Variants in COA1 observed in about 807,000 individuals in gnomAD.
The protein encoded by COA1 is cytochrome c oxidase assembly factor 1, also known as cytochrome c oxidase assembly factor 1 homolog.
A neutral mutation model predicts 16.0 loss-of-function variants in COA1; 13 were observed. The ratio of observed to expected loss-of-function variants is 0.81; its 90% confidence interval spans 0.53 to 1.29. The LOEUF is 1.29. Ranked by LOEUF, COA1 falls within the 50% of genes most tolerant of loss-of-function variation. The pLI, the probability that COA1 is intolerant of heterozygous loss-of-function variation, is 0.00. For synonymous variants in COA1, 65 were observed against 65.7 expected (o/e 0.99, Z 0.05); for missense variants, 179 against 177.0 (o/e 1.01, Z -0.06).
chr7:43,726,945 T>G (rs1257234639), intron 1 of COA1, among the ~76,000 whole-genome samples: 3 of 152,180 alleles, frequency 2.0e-5, no homozygotes, highest in Admixed American at 6.5e-5. Context: ...TCAACATCAT[T>G]AGCCATCAGG....
chr7:43,627,221 T>G (rs1336755598), intron 6 of COA1, among the ~76,000 whole-genome samples: 1 of 152,216 alleles, frequency 6.6e-6, no homozygotes, highest in Non-Finnish European at 1.5e-5. Flanking sequence ...ATTTGATTGA[T>G]CTTGTGTTTT....
At position 43,640,586 on chromosome 7, in the gene COA1, C is replaced by T; in HGVS notation, c.328G>A (p.Gly110Ser). The T allele has an allele frequency of 1.2e-6, 2 of 1,607,126 alleles. No homozygotes were observed. Among genetic ancestry groups the T allele is most frequent in the Middle Eastern group, 1.7e-4 (1 of 6,052 alleles). Residue 110 changes from glycine (G) to serine (S), a missense_variant, in exon 5 of 6, where the codon GGC becomes AGC. Gly to Ser is a moderately conservative substitution (Grantham distance 56). Coordinates refer to ENST00000223336, the MANE Select transcript of COA1 (RefSeq NM_018224.4). ...TTCCCAGGATACCTCTGAAAGGGGC[C>T]ACCTCTGGATGAGTGGACGTAGAGA... is the stretch of plus-strand genomic sequence containing the variant. ...GLLYVHSSRGGPFQRWHLDEV... is the reference protein window; with the variant it reads ...GLLYVHSSRGSPFQRWHLDEV...
intron 6 of COA1, chr7:43,624,722 A>G: frequency 6.2e-7 from 1 of 1,614,112 alleles, no homozygotes; most frequent in Non-Finnish European, 8.5e-7. Flanking sequence ...TAGTTACTTC[A>G]TATACTCTAG....
chr7:43,627,956 A>T (rs1257996811), intron 6 of COA1, among the ~76,000 whole-genome samples: 2 of 152,082 alleles, frequency 1.3e-5, no homozygotes, highest in East Asian at 3.8e-4. Context: ...CGATGCTTAT[A>T]TCAGCAGTTT....
intron 4 of COA1, 107 bp downstream of exon 4, chr7:43,645,144 T>G: frequency 9.9e-7 from 1 of 1,009,856 alleles, no homozygotes; most frequent in Non-Finnish European, 1.4e-6. Flanking sequence ...CTTTACTTAG[T>G]GGATTTTCCC....
intron 1 of COA1, among the ~76,000 whole-genome samples, chr7:43,712,453 A>C (rs974498549): frequency 2.6e-5 from 4 of 152,094 alleles, no homozygotes; most frequent in African/African-American, 9.7e-5. Flanking sequence ...CACTGCTTTC[A>C]CACTTCCAGG....
chr7:43,659,996 G>A (rs1359672874), intron 1 of COA1, among the ~76,000 whole-genome samples: 3 of 152,172 alleles, frequency 2.0e-5, no homozygotes, highest in Admixed American at 2.0e-4. Context: ...AAAGGAGAGG[G>A]TGGCATCTAC....
Position 43,623,782 on chromosome 7 carries a change from T to C in COA1, c.*134-14287A>G, listed in dbSNP as rs1339648808. On this transcript the variant is annotated intron_variant and NMD_transcript_variant, in intron 6 of 6. Transcript: ENST00000415076. ...CTTAGGCAATGATAAACAAGAAACA[T>C]TCTTAAACATCTCACAGATGAATTT... The C allele has an allele frequency of 6.2e-7, 1 of 1,609,412 alleles. No individual in the cohort carries two copies.
chr7:43,623,668 G>A (rs2084165551), intron 6 of COA1: 4 of 1,604,846 alleles, frequency 2.5e-6, no homozygotes, highest in Non-Finnish European at 2.5e-6. Flanking sequence ...CAAGAAATGA[G>A]TATGGTACTA....
intron 6 of COA1, among the ~76,000 whole-genome samples, chr7:43,626,982 A>G (rs961112418): frequency 6.6e-6 from 1 of 152,184 alleles, no homozygotes; most frequent in Admixed American, 6.5e-5. Context: ...CCTTCATAGT[A>G]TTAGGCCAAA....
At chr7:43,624,857 T>C (rs1314952234) in intron 6 of COA1, 1 of 1,566,334 alleles carries the variant, frequency 6.4e-7, no homozygotes, top group South Asian at 1.2e-5. Context: ...TATTTCCCTT[T>C]AGAACTTCAA....
intron 6 of COA1, among the ~76,000 whole-genome samples, chr7:43,620,895 G>A (rs1345542802): frequency 1.3e-5 from 2 of 152,158 alleles, no homozygotes; most frequent in Non-Finnish European, 2.9e-5. Flanking sequence ...GAATGGAGAA[G>A]GCTGTGGCCT....
Position 43,691,402 on chromosome 7 carries a change from AGGAAG to A in COA1, c.-39+38022_-39+38026del, listed in dbSNP as rs1198110396. Reference sequence around the variant, plus strand: ...GAGGAAGGAAGGAAGGAAGGAAGGAAGGAAGGAAGGAAGAAAGAAAAAGAAAGAAA... The same window carrying A: ...GAGGAAGGAAGGAAGGAAGGAAGGAAGAAGGAAGAAAGAAAAAGAAAGAAA... On this transcript the variant is annotated intron_variant, in intron 1 of 5. Coordinates refer to ENST00000223336, the MANE Select transcript of COA1 (RefSeq NM_018224.4). 9.4e-3 allele frequency among the ~76,000 whole-genome samples: 1,112 copies of A among 118,206 alleles called. 24 individuals carry two copies. The highest frequency in any genetic ancestry group is 0.014 in the Admixed American group (156 of 11,090). 77.5% of individuals were successfully genotyped at this position (118,206 alleles called of 152,430 possible). A position where few individuals can be genotyped will look rare whatever the true frequency, so the allele number is the denominator to read the frequency against.
chr7:43,644,760 A>G (rs1262306108), intron 4 of COA1, among the ~76,000 whole-genome samples: 1 of 82,450 alleles, frequency 1.2e-5, no homozygotes, highest in Non-Finnish European at 2.9e-5. Flanking sequence ...ATAGATAGAT[A>G]GGCAGGCAGG....
At chr7:43,640,134 GAAGTGAGTGGA>G (rs980266213) in intron 5 of COA1, among the ~76,000 whole-genome samples, 42 of 152,352 alleles carry the variant, frequency 2.8e-4, no homozygotes, top group African/African-American at 9.9e-4. Context: ...TCCCGTGGGG[GAAGTGAGTGGA>G]TGTAGCTATT....
rs754083991 is a variant in COA1 at position 43,640,612 on chromosome 7, AG to A, written c.301del (p.Leu101PhefsTer22). 6.2e-7 allele frequency: 1 copy of A among 1,608,642 alleles called. No individual in the cohort carries two copies. The highest frequency in any genetic ancestry group is 1.3e-5 in the African/African-American group (1 of 74,578). On this transcript the variant is annotated frameshift_variant, in exon 5 of 6. Transcript: ENST00000223336. LOFTEE classifies it low-confidence loss of function (END_TRUNC). Reference sequence around the variant, plus strand: ...ACCTCTGGATGAGTGGACGTAGAGAAGGCCCTCTGATTTGGATCCAGAGACA... The same window carrying A: ...ACCTCTGGATGAGTGGACGTAGAGAAGCCCTCTGATTTGGATCCAGAGACA... ...IPVSGSKSEGLLYVHSSRGGP... is the reference protein window; with the variant it reads ...IPVSGSKSEGXLYVHSSRGGP...
chr7:43,673,643 G>A (rs576607659), intron 1 of COA1, among the ~76,000 whole-genome samples: 21 of 152,252 alleles, frequency 1.4e-4, no homozygotes, highest in South Asian at 1.0e-3. Context: ...TCATTATTGC[G>A]TATATACCCA....
intron 6 of COA1, chr7:43,625,641 T>A (rs1035392125): frequency 1.3e-5 from 2 of 152,522 alleles, no homozygotes; most frequent in African/African-American, 4.8e-5. Flanking sequence ...TGTCATTTAA[T>A]TTTGGCCACT....
chr7:43,722,414 G>A (rs1368284040), intron 1 of COA1, among the ~76,000 whole-genome samples: 9 of 144,376 alleles, frequency 6.2e-5, no homozygotes, highest in Admixed American at 1.4e-4. Context: ...TTTTCCCTAC[G>A]ACAAAACGAG....
Sources: allele counts gnomAD v4.1 joint callset (sites outside exome capture counted in the v4.1 genomes callset), GRCh38; gene constraint gnomAD v4.1.1; transcripts MANE v1.5; gene names NCBI Gene and HGNC (gene_info 2026-07-23, HGNC 2026-07-21).